Variants in TRHDE observed in about 807,000 individuals in gnomAD.
TRHDE encodes the protein thyrotropin releasing hormone degrading enzyme, also known as thyrotropin-releasing hormone-degrading ectoenzyme.
Under a neutral mutation model 125.7 loss-of-function variants are expected in TRHDE, and 72 were observed. The observed-to-expected ratio is 0.57, with a 90% CI of 0.47 to 0.70. The LOEUF (loss-of-function observed/expected upper bound fraction) is 0.70, where lower values mean the gene tolerates loss of function less well. TRHDE is among the 30% of genes least tolerant of loss of function. TRHDE has a pLI of 0.00. For missense variants in TRHDE, 1,110 were observed against 1,327.1 expected (o/e 0.84, Z 2.54); for synonymous variants, 509 against 509.1 (o/e 1.00, Z 0.00).
chr12:72,288,439 C>T (rs1879970362), intron 2 of TRHDE, among the ~76,000 whole-genome samples: 1 of 152,088 alleles, frequency 6.6e-6, no homozygotes, highest in South Asian at 2.1e-4. Flanking sequence ...GTTTTAAATG[C>T]ACACTTCTTA....
chr12:72,471,324 G>C (rs185355457), intron 4 of TRHDE, among the ~76,000 whole-genome samples: 1 of 152,304 alleles, frequency 6.6e-6, no homozygotes, highest in Non-Finnish European at 1.5e-5. Flanking sequence ...CTGTACTAAA[G>C]AGGATGGTTT....
intron 6 of TRHDE, among the ~76,000 whole-genome samples, chr12:72,519,828 G>C (rs1271448316): frequency 6.6e-6 from 1 of 152,112 alleles, no homozygotes; most frequent in Non-Finnish European, 1.5e-5. Context: ...TTTTGGTGTG[G>C]ATGTCCTTTC....
intron 2 of TRHDE, among the ~76,000 whole-genome samples, chr12:72,376,403 G>T (rs1245250303): frequency 2.0e-5 from 3 of 152,084 alleles, no homozygotes; most frequent in Non-Finnish European, 4.4e-5. Flanking sequence ...TTATTGTCAG[G>T]GGTAGGGGAT....
In TRHDE at chr12:72,473,049, T is replaced by C. The variant is rs1249005151; in HGVS notation, c.1471-18T>C. On this transcript the variant is annotated intron_variant, in intron 4 of 18. Transcript: ENST00000261180. ...TAGATTTTATTTTATTTGATGACCA[T>C]TAATTTTGTTACTGCAGTGGTTTGG... The C allele has an allele frequency of 6.3e-7, 1 of 1,579,800 alleles. No homozygotes were observed. Among genetic ancestry groups the C allele is most frequent in the South Asian group, 1.1e-5 (1 of 90,100 alleles).
intron 2 of TRHDE, among the ~76,000 whole-genome samples, chr12:72,335,502 G>T (rs1869791373): frequency 6.6e-6 from 1 of 152,122 alleles, no homozygotes; most frequent in Admixed American, 6.6e-5. Flanking sequence ...ACTTAGGTAG[G>T]CATATATCAT....
chr12:72,338,763 A>G (rs1869946907), intron 2 of TRHDE, among the ~76,000 whole-genome samples: 2 of 152,186 alleles, frequency 1.3e-5, no homozygotes, highest in African/African-American at 4.8e-5. Flanking sequence ...GGGAAGACAT[A>G]TTCTAGATAA....
At chr12:72,176,110 A>G (rs530574410) in intron 2 of TRHDE, among the ~76,000 whole-genome samples, 1 of 152,234 alleles carries the variant, frequency 6.6e-6, no homozygotes, top group South Asian at 2.1e-4. Context: ...CAATCCCAGC[A>G]CTTTGGGAGG....
At position 72,668,749 on chromosome 12, in the gene TRHDE, T is replaced by C. The variant is rs1875179871; in HGVS notation, c.*5554T>C. On this transcript the variant is annotated 3_prime_UTR_variant, in exon 19 of 19. Transcript: ENST00000261180. The stretch of plus-strand genomic sequence containing the variant: ...TAGCTCTAATTCACCAAAGAGTAGA[T>C]GGAGGCAGAGTTGTTATCAGTTTAC... 6.6e-6 allele frequency: 1 copy of C among 151,762 alleles called. No individual in the cohort carries two copies. Among genetic ancestry groups the C allele is most frequent in the Non-Finnish European group, 1.5e-5 (1 of 67,818 alleles). 9.4% of individuals were successfully genotyped at this position (151,762 alleles called of 1,614,324 possible). A position where few individuals can be genotyped will look rare whatever the true frequency, so the allele number is the denominator to read the frequency against.
chr12:72,529,935 T>C (rs1190127168), intron 6 of TRHDE, among the ~76,000 whole-genome samples: 1 of 152,164 alleles, frequency 6.6e-6, no homozygotes, highest in African/African-American at 2.4e-5. Flanking sequence ...TATCAATTCC[T>C]GTATACTCTG....
intron 2 of TRHDE, among the ~76,000 whole-genome samples, chr12:72,357,792 T>C (rs1474572145): frequency 6.6e-6 from 1 of 151,546 alleles, no homozygotes; most frequent in Non-Finnish European, 1.5e-5. Flanking sequence ...TAGTAACTAT[T>C]TTACTGTAAT....
Position 72,378,036 on chromosome 12 carries a change from C to T in TRHDE, c.1230C>T (p.Ser410=), listed in dbSNP as rs200230492. 1.6e-4 allele frequency: 251 copies of T among 1,605,550 alleles called. 1 individual carries two copies. The Middle Eastern group carries it at 1.8e-3, about 12-fold the overall frequency. ...YARPDAIRRG[S]GDYALHITKR... ...GACCTGATGCTATCAGAAGAGGATC[C>T]GGGGACTATGCTCTCCATATAACAA... The change falls in exon 3 of 19, where the codon TCC becomes TCT. Residue 410 remains serine (S), a synonymous_variant. Transcript: ENST00000261180.
intron 2 of TRHDE, among the ~76,000 whole-genome samples, chr12:72,327,655 T>A (rs1283006782): frequency 6.6e-6 from 1 of 152,180 alleles, no homozygotes; most frequent in African/African-American, 2.4e-5. Context: ...TTAGGAAATT[T>A]TATTTGCTTG....
At position 72,377,980 on chromosome 12, in the gene TRHDE, T is replaced by C; in HGVS notation, c.1189-15T>C. The C allele has an allele frequency of 2.6e-6, 4 of 1,546,960 alleles. No individual in the cohort carries two copies. Among genetic ancestry groups the C allele is most frequent in the Non-Finnish European group, 3.5e-6 (4 of 1,151,244 alleles). On this transcript the variant is annotated splice_polypyrimidine_tract_variant and intron_variant, in intron 2 of 18. Coordinates refer to ENST00000261180, the MANE Select transcript of TRHDE (RefSeq NM_013381.3). ...CTAAAAGGCTAAAGTAACTTTTATATATATTTTTAATTAGGTACGATTATA... is the reference window on the plus strand; with the variant it reads ...CTAAAAGGCTAAAGTAACTTTTATACATATTTTTAATTAGGTACGATTATA...
At chr12:72,220,065 G>C (rs1877972151) in intron 2 of TRHDE, among the ~76,000 whole-genome samples, 1 of 152,148 alleles carries the variant, frequency 6.6e-6, no homozygotes, top group African/African-American at 2.4e-5. Flanking sequence ...GCTTTTGAAG[G>C]AGTACTGCAT....
At chr12:72,367,173 G>T (rs1674122063) in intron 2 of TRHDE, among the ~76,000 whole-genome samples, 1 of 152,012 alleles carries the variant, frequency 6.6e-6, no homozygotes, top group South Asian at 2.1e-4. Context: ...GCCTGTTACT[G>T]GCTGTTCTTG....
intron 3 of TRHDE, among the ~76,000 whole-genome samples, chr12:72,400,130 G>C: frequency 6.6e-6 from 1 of 151,982 alleles, no homozygotes; most frequent in Non-Finnish European, 1.5e-5. Flanking sequence ...GGTGAATATA[G>C]AGTAGATACC....
chr12:72,260,142 C>T (rs1878915863), intron 2 of TRHDE, among the ~76,000 whole-genome samples: 2 of 152,058 alleles, frequency 1.3e-5, no homozygotes, highest in Admixed American at 1.3e-4. Context: ...GAATTTTTTT[C>T]AAGTGCAAAT....
chr12:72,535,756 C>G (rs937462565), intron 6 of TRHDE, among the ~76,000 whole-genome samples: 3 of 151,612 alleles, frequency 2.0e-5, no homozygotes, highest in African/African-American at 7.3e-5. Flanking sequence ...GCTTTTATTC[C>G]ATACCAAAAG....
chr12:72,168,511 G>A (rs1876802630), intron 2 of TRHDE, among the ~76,000 whole-genome samples: 2 of 152,178 alleles, frequency 1.3e-5, no homozygotes, highest in South Asian at 4.1e-4. Flanking sequence ...TGCAGAAGAA[G>A]CTTTCTTGAT....
Sources: allele counts gnomAD v4.1 joint callset (sites outside exome capture counted in the v4.1 genomes callset), GRCh38; gene constraint gnomAD v4.1.1; transcripts MANE v1.5; gene names NCBI Gene and HGNC (gene_info 2026-07-23, HGNC 2026-07-21).